CSMD1: variants seen among roughly 807,000 people sequenced by gnomAD.
The protein encoded by CSMD1 is CUB and Sushi multiple domains 1, also known as CUB and sushi domain-containing protein 1.
In CSMD1, 213 loss-of-function variants were observed where a neutral mutation model predicts 417.5. The observed-to-expected ratio is 0.51, with a 90% CI of 0.46 to 0.57. CSMD1 has a LOEUF of 0.57. Ranked by LOEUF, CSMD1 falls within the 20% of genes least tolerant of loss-of-function variation. The probability of loss-of-function intolerance (pLI) is 0.00; values close to 1 mark genes in which losing one functional copy is unlikely to be tolerated. For missense variants in CSMD1, 6,923 were observed against 4,529.7 expected, an observed-to-expected ratio of 1.53 and a Z score of -15.17; for synonymous variants, 2,862 against 1,736.8, an observed-to-expected ratio of 1.65 and a Z score of -16.11.
intron 5 of CSMD1, among the ~76,000 whole-genome samples, chr8:3,943,199 C>G (rs552889678): frequency 6.6e-6 from 1 of 151,748 alleles, no homozygotes; most frequent in Non-Finnish European, 1.5e-5. Context: ...TCCTGGTGTT[C>G]GATTTTTATC....
chr8:4,938,531 G>A (rs1385444091), intron 1 of CSMD1, among the ~76,000 whole-genome samples: 3 of 152,184 alleles, frequency 2.0e-5, no homozygotes, highest in Non-Finnish European at 4.4e-5. Context: ...CCCAGACACT[G>A]TGCTGAGTAT....
intron 10 of CSMD1, among the ~76,000 whole-genome samples, chr8:3,535,113 A>G (rs532688506): frequency 7.1e-6 from 1 of 140,802 alleles, no homozygotes; most frequent in South Asian, 2.3e-4. Context: ...TAGTCAGCTA[A>G]TATTTTTTTT....
At chr8:3,498,620 A>G (rs1796464813) in intron 10 of CSMD1, among the ~76,000 whole-genome samples, 2 of 152,186 alleles carry the variant, frequency 1.3e-5, no homozygotes, top group African/African-American at 2.4e-5. Flanking sequence ...TTCTCCTTCT[A>G]GAACTCCCAT....
chr8:3,918,829 G>C (rs1398022671), intron 5 of CSMD1, among the ~76,000 whole-genome samples: 4 of 152,054 alleles, frequency 2.6e-5, no homozygotes. Flanking sequence ...CAAACTATGA[G>C]GATGCAAAGA....
intron 12 of CSMD1, among the ~76,000 whole-genome samples, chr8:3,431,063 G>A (rs995539412): frequency 1.3e-5 from 2 of 152,116 alleles, no homozygotes; most frequent in Admixed American, 6.5e-5. Context: ...TCTGGGAAAT[G>A]CAGTTTCCAG....
intron 3 of CSMD1, among the ~76,000 whole-genome samples, chr8:4,090,519 G>A (rs1366082442): frequency 6.6e-6 from 1 of 152,124 alleles, no homozygotes; most frequent in Non-Finnish European, 1.5e-5. Context: ...GGAAAGCTTT[G>A]TACACCTCTT....
chr8:4,126,107 T>G (rs1305116829), intron 3 of CSMD1, among the ~76,000 whole-genome samples: 1 of 151,834 alleles, frequency 6.6e-6, no homozygotes, highest in Non-Finnish European at 1.5e-5. Context: ...AAAAACTCAC[T>G]TTGACCCCCT....
chr8:3,317,300 G>C (rs1805838846), intron 23 of CSMD1, among the ~76,000 whole-genome samples: 1 of 152,216 alleles, frequency 6.6e-6, no homozygotes, highest in Non-Finnish European at 1.5e-5. Context: ...AGGAGCATGA[G>C]GAGCACAGAG....
At chr8:4,259,285 T>G (rs765610954) in intron 3 of CSMD1, among the ~76,000 whole-genome samples, 15 of 152,104 alleles carry the variant, frequency 9.9e-5, no homozygotes, top group Non-Finnish European at 1.9e-4. Flanking sequence ...TGGCTGGCAT[T>G]TGAAATGAAC....
At chr8:3,964,969 G>T (rs1331860625) in intron 5 of CSMD1, among the ~76,000 whole-genome samples, 1 of 152,154 alleles carries the variant, frequency 6.6e-6, no homozygotes, top group East Asian at 1.9e-4. Context: ...AATTCTTGGA[G>T]AGTCACAGCA....
intron 12 of CSMD1, among the ~76,000 whole-genome samples, chr8:3,428,265 T>C (rs1318095709): frequency 6.6e-6 from 1 of 152,130 alleles, no homozygotes; most frequent in Non-Finnish European, 1.5e-5. Flanking sequence ...AAAGTCACTT[T>C]AGAAAACAAA....
chr8:3,244,840 C>A (rs952833581), intron 26 of CSMD1, among the ~76,000 whole-genome samples: 1 of 152,232 alleles, frequency 6.6e-6, no homozygotes, highest in Non-Finnish European at 1.5e-5. Flanking sequence ...TCAGCAGGGA[C>A]ACTGCTTGGC....
chr8:4,812,544 T>C (rs1382058655), intron 1 of CSMD1, among the ~76,000 whole-genome samples: 1 of 152,128 alleles, frequency 6.6e-6, no homozygotes, highest in Non-Finnish European at 1.5e-5. Flanking sequence ...CAACAAAATA[T>C]CACATATACC....
intron 37 of CSMD1, 94 bp from the exon 38 acceptor site, chr8:3,162,371 T>G: frequency 2.5e-6 from 2 of 804,252 alleles, no homozygotes; most frequent in South Asian, 3.1e-5. Flanking sequence ...GCTCTCCTTC[T>G]GTAGAAATGA....
At position 2,935,627 on chromosome 8, in the gene CSMD1, C is replaced by A. The variant is rs1462174003; in HGVS notation, c.*2958G>T. On this transcript the variant is annotated 3_prime_UTR_variant, in exon 70 of 70. Coordinates refer to ENST00000635120, the MANE Select transcript of CSMD1 (RefSeq NM_033225.6). The stretch of plus-strand genomic sequence containing the variant: ...TGTACCTACATTAATCAAAAAATTA[C>A]AGCATATTTAATAATTTTACAAATT... 6.6e-6 allele frequency: 1 copy of A among 152,112 alleles called. No individual in the cohort carries two copies. The highest frequency in any genetic ancestry group is 1.5e-5 in the Non-Finnish European group (1 of 68,022). The allele number at this position is 152,112 out of a possible 1,614,324, so 9.4% of individuals were successfully genotyped here.
chr8:4,951,566 TAAA>T (rs1198495483), intron 1 of CSMD1, among the ~76,000 whole-genome samples: 3 of 111,720 alleles, frequency 2.7e-5, no homozygotes, highest in African/African-American at 6.5e-5. Flanking sequence ...AAAGAGAAAA[TAAA>T]AAAGAAAAGA....
chr8:4,424,762 T>C (rs1797448017), intron 2 of CSMD1, among the ~76,000 whole-genome samples: 4 of 152,122 alleles, frequency 2.6e-5, no homozygotes, highest in Admixed American at 2.6e-4. Flanking sequence ...TGTCCCTATC[T>C]TCACCATAAT....
rs145220971 is a variant in CSMD1 at position 3,385,672 on chromosome 8, T to C, written c.2782+1822A>G. On this transcript the variant is annotated intron_variant, in intron 18 of 69. Coordinates refer to ENST00000635120, the MANE Select transcript of CSMD1 (RefSeq NM_033225.6). The stretch of plus-strand genomic sequence containing the variant: ...CTTATATGACGGTTCTCTGTATATT[T>C]ATGAAAGCGATATATTATTTTAGAG... Among the ~76,000 whole-genome samples the C allele has an allele frequency of 2.6e-5, 4 of 152,326 alleles. No homozygotes were observed. The East Asian group carries it at 5.8e-4, about 22-fold the overall frequency.
intron 1 of CSMD1, among the ~76,000 whole-genome samples, chr8:4,660,114 C>CAAAAAA (rs33982434): frequency 8.1e-6 from 1 of 122,856 alleles, no homozygotes; most frequent in Non-Finnish European, 1.8e-5. Flanking sequence ...TCAACCAGTG[C>CAAAAAA]AAAAAAAAAA....
Sources: allele counts gnomAD v4.1 joint callset (sites outside exome capture counted in the v4.1 genomes callset), GRCh38; gene constraint gnomAD v4.1.1; transcripts MANE v1.5; gene names NCBI Gene and HGNC (gene_info 2026-07-23, HGNC 2026-07-21).